Variants in KIDINS220 observed in about 807,000 individuals in gnomAD.
The protein encoded by KIDINS220 is kinase D interacting substrate 220, also known as kinase D-interacting substrate of 220 kDa.
In KIDINS220, 63 loss-of-function variants were observed where a neutral mutation model predicts 157.6. That is an observed-to-expected ratio of 0.40 (90% CI 0.33 to 0.49). The LOEUF is 0.49. KIDINS220 is among the 20% of genes least tolerant of loss of function. The probability of loss-of-function intolerance (pLI) is 0.66; values close to 1 mark genes in which losing one functional copy is unlikely to be tolerated. For synonymous variants in KIDINS220, 732 were observed against 783.6 expected (o/e 0.93, Z 1.10); for missense variants, 1,772 against 2,171.2 (o/e 0.82, Z 3.65).
intron 26 of KIDINS220, among the ~76,000 whole-genome samples, chr2:8,744,058 TATATTA>T (rs924491618): frequency 5.4e-5 from 8 of 147,366 alleles, no homozygotes; most frequent in African/African-American, 2.0e-4. Context: ...GTTTTATTAA[TATATTA>T]ATATATTTTA....
At chr2:8,805,891 C>G (rs1675372271) in intron 7 of KIDINS220, among the ~76,000 whole-genome samples, 1 of 152,178 alleles carries the variant, frequency 6.6e-6, no homozygotes, top group Non-Finnish European at 1.5e-5. Context: ...TAGGCTATAC[C>G]AGCCAGATGT....
intron 27 of KIDINS220, among the ~76,000 whole-genome samples, chr2:8,735,387 C>G (rs915325655): frequency 2.0e-5 from 3 of 152,116 alleles, no homozygotes; most frequent in Admixed American, 2.0e-4. Context: ...CAAAAATTAG[C>G]TGGGAGTGGT....
intron 21 of KIDINS220, among the ~76,000 whole-genome samples, chr2:8,772,596 T>C (rs1238713130): frequency 6.6e-6 from 1 of 151,530 alleles, no homozygotes; most frequent in East Asian, 1.9e-4. Context: ...AGCCTATAAT[T>C]AGCTAAAAAG....
At chr2:8,751,856 T>C (rs1369394760) in intron 22 of KIDINS220, among the ~76,000 whole-genome samples, 3 of 151,846 alleles carry the variant, frequency 2.0e-5, no homozygotes, top group African/African-American at 4.8e-5. Context: ...AGGTGTGCAC[T>C]ACCATGCCCA....
At chr2:8,808,664 A>G (rs8179714) in intron 6 of KIDINS220, among the ~76,000 whole-genome samples, 26,309 of 152,182 alleles carry the variant, frequency 0.17, 2,371 homozygotes, top group Middle Eastern at 0.27. Context: ...TCCCTTCTCA[A>G]TCTAATCCCT....
intron 24 of KIDINS220, 46 bp from the exon 25 acceptor site, chr2:8,748,046 T>C (rs1666829065): frequency 3.6e-6 from 4 of 1,125,830 alleles, no homozygotes; most frequent in Middle Eastern, 2.1e-4. Context: ...ATTACAGAAA[T>C]GAAAGTGTAA....
chr2:8,740,094 A>G, intron 26 of KIDINS220: 1 of 780,688 alleles, frequency 1.3e-6, no homozygotes, highest in Non-Finnish European at 1.6e-6. Context: ...TGAAGTTGCC[A>G]ATGATTGCTT....
chr2:8,730,530 G>C lies in KIDINS220; in HGVS notation c.*190C>G. On this transcript the variant is annotated 3_prime_UTR_variant, in exon 30 of 30. Coordinates refer to ENST00000256707, the MANE Select transcript of KIDINS220 (RefSeq NM_020738.4). ...AGCTTCTAATTACAAAGACCACAGAGGCTGGCTGGTGAGCCATGCTTCTCA... is the reference window on the plus strand; with the variant it reads ...AGCTTCTAATTACAAAGACCACAGACGCTGGCTGGTGAGCCATGCTTCTCA... The C allele has an allele frequency of 7.0e-7, 1 of 1,426,716 alleles. No individual in the cohort carries two copies. The highest frequency in any genetic ancestry group is 9.1e-7 in the Non-Finnish European group (1 of 1,097,690). 88.4% of individuals were successfully genotyped at this position (1,426,716 alleles called of 1,614,324 possible). A position where few individuals can be genotyped will look rare whatever the true frequency, so the allele number is the denominator to read the frequency against.
At chr2:8,762,509 G>T (rs773328871) in intron 22 of KIDINS220, among the ~76,000 whole-genome samples, 2 of 152,094 alleles carry the variant, frequency 1.3e-5, no homozygotes, top group African/African-American at 2.4e-5. Context: ...AGGCTGAGGC[G>T]GGTAGATCAC....
Position 8,751,652 on chromosome 2 carries a change from T to A in KIDINS220, c.3012-8A>T. The stretch of plus-strand genomic sequence containing the variant: ...GGAATATTCTTTGATATTCTTCAAA[T>A]AAGAAATCAATGAAAAAGGTTATTA... On this transcript the variant is annotated splice_polypyrimidine_tract_variant and splice_region_variant and intron_variant, in intron 22 of 29. Coordinates refer to ENST00000256707, the MANE Select transcript of KIDINS220 (RefSeq NM_020738.4). 1 of 1,562,152 alleles carries A rather than the reference T, an allele frequency of 6.4e-7. No homozygotes were observed. Among genetic ancestry groups the A allele is most frequent in the Non-Finnish European group, 8.7e-7 (1 of 1,144,942 alleles).
At chr2:8,743,756 A>C (rs1165121848) in intron 26 of KIDINS220, among the ~76,000 whole-genome samples, 1 of 152,148 alleles carries the variant, frequency 6.6e-6, no homozygotes, top group East Asian at 1.9e-4. Context: ...GGGGACCCTC[A>C]AGAGGAAAGG....
At chr2:8,817,596 G>C (rs757549005) in intron 4 of KIDINS220, 22 bp downstream of exon 4, 1 of 1,335,580 alleles carries the variant, frequency 7.5e-7, no homozygotes, top group Non-Finnish European at 1.0e-6. Flanking sequence ...AGCTAATTAA[G>C]AACATATAAA....
intron 17 of KIDINS220, among the ~76,000 whole-genome samples, chr2:8,781,105 C>T (rs185066257): frequency 7.6e-5 from 11 of 143,822 alleles, no homozygotes; most frequent in Non-Finnish European, 1.5e-4. Flanking sequence ...TATACCAACA[C>T]CAATCAAAAG....
chr2:8,777,949 T>A (rs1432469435), intron 20 of KIDINS220, among the ~76,000 whole-genome samples: 1 of 152,202 alleles, frequency 6.6e-6, no homozygotes, highest in Non-Finnish European at 1.5e-5. Context: ...GAAGACATTT[T>A]TTTAAAAAGT....
chr2:8,828,546 T>G (rs1287262022), intron 1 of KIDINS220, among the ~76,000 whole-genome samples: 1 of 152,226 alleles, frequency 6.6e-6, no homozygotes, highest in African/African-American at 2.4e-5. Context: ...CCATACTTTG[T>G]ACCACATACA....
intron 26 of KIDINS220, among the ~76,000 whole-genome samples, chr2:8,742,143 C>T (rs758536161): frequency 6.6e-6 from 1 of 151,860 alleles, no homozygotes; most frequent in Non-Finnish European, 1.5e-5. Flanking sequence ...TTTTTTGAGA[C>T]AAGGTCTGCT....
chr2:8,775,232 G>A (rs1181711128), intron 21 of KIDINS220, among the ~76,000 whole-genome samples: 3 of 152,206 alleles, frequency 2.0e-5, no homozygotes, highest in Non-Finnish European at 4.4e-5. Context: ...GACACCATTA[G>A]ATGTCAAACA....
Position 8,750,259 on chromosome 2 carries a change from A to G in KIDINS220, c.3267T>C (p.Pro1089=), listed in dbSNP as rs902934631. Residue 1089 remains proline, a synonymous_variant, in exon 24 of 30, where the codon CCT becomes CCC. Transcript: ENST00000256707. ...YPPLPLHEGP[P]RAPSGYSQPP... The stretch of plus-strand genomic sequence containing the variant: ...GCTGGCTGTACCCTGATGGCGCCCT[A>G]GGAGGACCCTCATGTAGAGGGAGCG... 9.9e-6 allele frequency: 16 copies of G among 1,613,746 alleles called. No homozygotes were observed. Among genetic ancestry groups the G allele is most frequent in the Non-Finnish European group, 1.1e-5 (13 of 1,179,872 alleles).
At chr2:8,833,118 A>G (rs1015269006) in intron 1 of KIDINS220, among the ~76,000 whole-genome samples, 2 of 152,236 alleles carry the variant, frequency 1.3e-5, no homozygotes, top group Non-Finnish European at 2.9e-5. Flanking sequence ...TGTTAAGCAT[A>G]GTACCATGCT....
Sources: gnomAD v4.1 joint callset for allele counts (sites outside exome capture counted in the v4.1 genomes callset) on GRCh38, gnomAD v4.1.1 for gene constraint, MANE v1.5 for transcripts, NCBI Gene and HGNC (gene_info 2026-07-23, HGNC 2026-07-21) for gene names.